Variants in NCALD observed in about 807,000 individuals in gnomAD.
The protein encoded by NCALD is neurocalcin delta.
In NCALD, 10 loss-of-function variants were observed where a neutral mutation model predicts 18.6. That is an observed-to-expected ratio of 0.54 (90% CI 0.33 to 0.91). The LOEUF (loss-of-function observed/expected upper bound fraction) is 0.91. NCALD is among the 40% of genes least tolerant of loss of function. The pLI is 0.03. For missense variants in NCALD, 184 were observed against 247.6 expected (o/e 0.74, Z 1.72); for synonymous variants, 88 against 87.4 (o/e 1.01, Z -0.04).
intron 1 of NCALD, among the ~76,000 whole-genome samples, chr8:102,038,580 C>T (rs1387241322): frequency 6.6e-6 from 1 of 152,174 alleles, no homozygotes; most frequent in Non-Finnish European, 1.5e-5. Flanking sequence ...TGGCAGGGCT[C>T]CAGCTTCTGC....
chr8:101,822,795 CT>C (rs749579164), intron 4 of NCALD, among the ~76,000 whole-genome samples: 1 of 152,210 alleles, frequency 6.6e-6, no homozygotes, highest in Non-Finnish European at 1.5e-5. Context: ...CCCCTCTGCC[CT>C]TCCATTCTTC....
intron 2 of NCALD, among the ~76,000 whole-genome samples, chr8:101,712,843 C>CTCCA: frequency 6.6e-6 from 1 of 152,082 alleles, no homozygotes; most frequent in African/African-American, 2.4e-5. Context: ...GACTTTAACA[C>CTCCA]TCCACTGCCA....
intron 2 of NCALD, among the ~76,000 whole-genome samples, chr8:101,715,752 G>T (rs200717460): frequency 7.9e-5 from 12 of 152,094 alleles, no homozygotes; most frequent in East Asian, 3.9e-4. Flanking sequence ...GAAATGCAAA[G>T]CAAAACCACA....
chr8:101,948,435 G>GAA (rs2131796906), intron 2 of NCALD, among the ~76,000 whole-genome samples: 1 of 152,284 alleles, frequency 6.6e-6, no homozygotes, highest in East Asian at 1.9e-4. Flanking sequence ...TAAAACTTTA[G>GAA]ATATGAGGAG....
chr8:101,789,618 T>C (rs1399679543), intron 1 of NCALD, among the ~76,000 whole-genome samples: 1 of 152,210 alleles, frequency 6.6e-6, no homozygotes, highest in Non-Finnish European at 1.5e-5. Context: ...TACGATATAA[T>C]TCACACACTG....
chr8:101,919,622 A>C (rs1300685993), intron 2 of NCALD, among the ~76,000 whole-genome samples: 1 of 152,168 alleles, frequency 6.6e-6, no homozygotes, highest in Non-Finnish European at 1.5e-5. Context: ...AATATTTGCA[A>C]ACTATGCATC....
chr8:101,996,890 C>A (rs538461453), intron 2 of NCALD, among the ~76,000 whole-genome samples: 9 of 152,340 alleles, frequency 5.9e-5, no homozygotes, highest in Non-Finnish European at 1.2e-4. Flanking sequence ...TTATCACGGG[C>A]TTCAGGTTCT....
intron 2 of NCALD, among the ~76,000 whole-genome samples, chr8:101,968,507 C>T (rs1220171073): frequency 2.6e-5 from 4 of 152,162 alleles, no homozygotes; most frequent in African/African-American, 4.8e-5. Context: ...GTGTTTGACA[C>T]CAAGGTACTG....
intron 2 of NCALD, among the ~76,000 whole-genome samples, chr8:101,988,669 A>G (rs1820920731): frequency 6.6e-6 from 1 of 152,160 alleles, no homozygotes; most frequent in Admixed American, 6.5e-5. Flanking sequence ...GTGACTATCC[A>G]TGGTCTTCCC....
At chr8:101,822,463 A>G (rs1813760249) in intron 4 of NCALD, among the ~76,000 whole-genome samples, 1 of 152,154 alleles carries the variant, frequency 6.6e-6, no homozygotes, top group Admixed American at 6.5e-5. Context: ...TGCAAGCTAC[A>G]TTCCCCAGAA....
chr8:101,904,290 T>TC (rs1191869880), intron 3 of NCALD, among the ~76,000 whole-genome samples: 2 of 151,882 alleles, frequency 1.3e-5, no homozygotes, highest in Non-Finnish European at 2.9e-5. Flanking sequence ...CAGCCTGAGT[T>TC]CCCCCGCCCC....
intron 1 of NCALD, among the ~76,000 whole-genome samples, chr8:101,768,123 T>C (rs1172241952): frequency 6.6e-6 from 1 of 152,236 alleles, no homozygotes; most frequent in Non-Finnish European, 1.5e-5. Flanking sequence ...TGCTTCAATC[T>C]AGAGCCCTGT....
intron 1 of NCALD, among the ~76,000 whole-genome samples, chr8:102,116,981 G>A (rs1234390558): frequency 6.6e-6 from 1 of 152,198 alleles, no homozygotes; most frequent in African/African-American, 2.4e-5. Flanking sequence ...ACACAGAGAA[G>A]AGCAGGAAGC....
intron 1 of NCALD, among the ~76,000 whole-genome samples, chr8:102,090,912 C>G (rs1390824456): frequency 6.6e-6 from 1 of 152,198 alleles, no homozygotes. Context: ...TCAAACTTGA[C>G]TTGAGCCAAC....
In NCALD at chr8:101,731,524, C is replaced by T. The variant is rs1031482311; in HGVS notation, c.-19-11876G>A. ...AGTTGGAATTCCACGCCTCACTCCC[C>T]GCCCCCCATGGTCTGCCTGAGTTAT... is the stretch of plus-strand genomic sequence containing the variant. On this transcript the variant is annotated intron_variant, in intron 1 of 3. Transcript: ENST00000220931. Among the ~76,000 whole-genome samples, 8 of 152,260 alleles carry T rather than the reference C, an allele frequency of 5.3e-5. No individual in the cohort carries two copies. The East Asian group carries it at 5.8e-4, about 11-fold the overall frequency.
Position 101,812,157 on chromosome 8 carries a change from C to T in NCALD, c.-20+74984G>A, listed in dbSNP as rs16868476. 5.7e-3 allele frequency among the ~76,000 whole-genome samples: 866 copies of T among 152,196 alleles called. 11 individuals are homozygous for T. Among genetic ancestry groups the T allele is most frequent in the African/African-American group, 0.018 (761 of 41,518 alleles). On this transcript the variant is annotated intron_variant, in intron 4 of 6. Coordinates refer to the NCALD transcript ENST00000311028. ...TTCTAAGTAGTTATCAACCAAAGAA[C>T]CAAATGCAAGTTCTCTCTTAAGAGG...
At chr8:102,068,110 T>TGA (rs1176071539) in intron 1 of NCALD, among the ~76,000 whole-genome samples, 5 of 151,528 alleles carry the variant, frequency 3.3e-5, no homozygotes, top group East Asian at 3.9e-4. Flanking sequence ...TAAAGGAGAG[T>TGA]GAGAGAGAGA....
At chr8:101,901,722 T>G (rs1160050467) in intron 3 of NCALD, among the ~76,000 whole-genome samples, 1 of 152,166 alleles carries the variant, frequency 6.6e-6, no homozygotes, top group Non-Finnish European at 1.5e-5. Context: ...TGAAATATAA[T>G]TTAGAAAACT....
At chr8:102,002,332 C>G (rs1427670149) in intron 2 of NCALD, among the ~76,000 whole-genome samples, 3 of 152,240 alleles carry the variant, frequency 2.0e-5, no homozygotes, top group African/African-American at 7.2e-5. Flanking sequence ...GCTAACTATC[C>G]TAAATATATA....
Sources: allele counts gnomAD v4.1 joint callset (sites outside exome capture counted in the v4.1 genomes callset), GRCh38; gene constraint gnomAD v4.1.1; transcripts MANE v1.5; gene names NCBI Gene and HGNC (gene_info 2026-07-23, HGNC 2026-07-21).